The following SLC1A7 variants were observed in gnomAD, a reference collection of about 807,000 sequenced individuals.
SLC1A7 encodes the protein solute carrier family 1 member 7.
A neutral mutation model predicts 47.7 loss-of-function variants in SLC1A7; 40 were observed. The ratio of observed to expected loss-of-function variants is 0.84; its 90% CI spans 0.65 to 1.09. The LOEUF (loss-of-function observed/expected upper bound fraction) is 1.09. Ranked by LOEUF, SLC1A7 falls within the 50% of genes least tolerant of loss-of-function variation. SLC1A7 has a pLI of 0.00. For missense variants in SLC1A7, 746 were observed against 769.5 expected (o/e 0.97, Z 0.36); for synonymous variants, 323 against 325.6 (o/e 0.99, Z 0.09).
At chr1:53,119,011 T>C (rs1644792039) in intron 2 of SLC1A7, among the ~76,000 whole-genome samples, 1 of 152,192 alleles carries the variant, frequency 6.6e-6, no homozygotes, top group African/African-American at 2.4e-5. Context: ...AAAAAATTTA[T>C]ATTGCTTCAG....
intron 2 of SLC1A7, among the ~76,000 whole-genome samples, chr1:53,132,720 C>T (rs112040553): frequency 0.034 from 4,388 of 128,162 alleles, 214 homozygotes; most frequent in African/African-American, 0.11. Context: ...GTGGTGTGTG[C>T]CTGTGGTCCC....
chr1:53,122,161 G>A (rs1442665196), intron 2 of SLC1A7, among the ~76,000 whole-genome samples: 1 of 152,168 alleles, frequency 6.6e-6, no homozygotes, highest in Non-Finnish European at 1.5e-5. Flanking sequence ...GAACTACCTT[G>A]AGAAGTGGTG....
intron 8 of SLC1A7, chr1:53,090,181 C>A: frequency 1.7e-6 from 1 of 589,102 alleles, no homozygotes; most frequent in South Asian, 2.0e-5. Flanking sequence ...GTGTCTGGAG[C>A]TGTGCCTCTG....
At chr1:53,129,890 G>A (rs1245219671) in intron 2 of SLC1A7, among the ~76,000 whole-genome samples, 1 of 94,814 alleles carries the variant, frequency 1.1e-5, no homozygotes, top group African/African-American at 3.9e-5. Context: ...TGGGATCTCA[G>A]AAAAAAACAA....
intron 5 of SLC1A7, among the ~76,000 whole-genome samples, chr1:53,097,437 C>T (rs1025194106): frequency 4.8e-5 from 7 of 146,850 alleles, no homozygotes; most frequent in Admixed American, 4.0e-4. Flanking sequence ...CACACCACCT[C>T]GGTACACTCA....
Position 53,089,879 on chromosome 1 carries a change from C to G in SLC1A7, c.1282G>C (p.Val428Leu), listed in dbSNP as rs530578463. The change falls in exon 9 of 11, where the codon GTC (valine) becomes CTC (leucine). Residue 428 changes from valine (V) to leucine (L), a missense_variant. By Grantham distance (32) the Val-to-Leu change is conservative. Coordinates refer to ENST00000371494, the MANE Select transcript of SLC1A7 (RefSeq NM_006671.6). Reference protein sequence around the residue: ...GAAGIPQAGLVTMVIVLTSVG... With the variant: ...GAAGIPQAGLLTMVIVLTSVG... ...GAGGTGAGCACGATGACCATGGTGA[C>G]GAGGCCGGCCTGGGGGATGCCAGCT... 6.2e-7 allele frequency: 1 copy of G among 1,613,818 alleles called. No homozygotes were observed. The highest frequency in any genetic ancestry group is 1.1e-5 in the South Asian group (1 of 91,062).
At chr1:53,100,225 A>C (rs1644556736) in intron 5 of SLC1A7, among the ~76,000 whole-genome samples, 1 of 149,944 alleles carries the variant, frequency 6.7e-6, no homozygotes, top group African/African-American at 2.5e-5. Context: ...ACCTTGGTAC[A>C]CTCATACAAC....
intron 8 of SLC1A7, 194 bp from the exon 9 acceptor site, chr1:53,090,128 A>G (rs1408389085): frequency 1.6e-6 from 1 of 635,560 alleles, no homozygotes; most frequent in Non-Finnish European, 2.8e-6. Flanking sequence ...ATGGACCCCC[A>G]TTCCTGGCCT....
At chr1:53,112,223 C>T (rs1644707875) in intron 3 of SLC1A7, among the ~76,000 whole-genome samples, 1 of 152,200 alleles carries the variant, frequency 6.6e-6, no homozygotes, top group Non-Finnish European at 1.5e-5. Flanking sequence ...AAAAAAATGC[C>T]TGGGCTAGCT....
chr1:53,104,130 C>T (rs974677185), intron 4 of SLC1A7, among the ~76,000 whole-genome samples: 1 of 152,116 alleles, frequency 6.6e-6, no homozygotes, highest in Admixed American at 6.5e-5. Flanking sequence ...ACTGGGAGCC[C>T]AAAAAGGGAG....
intron 1 of SLC1A7, among the ~76,000 whole-genome samples, chr1:53,141,524 G>C: frequency 6.6e-6 from 1 of 151,888 alleles, no homozygotes; most frequent in East Asian, 1.9e-4. Context: ...TAGGAGATGG[G>C]GGCTGACAGG....
At chr1:53,100,188 C>T (rs60991261) in intron 5 of SLC1A7, among the ~76,000 whole-genome samples, 5,350 of 97,298 alleles carry the variant, frequency 0.055, 146 homozygotes, top group Non-Finnish European at 0.082. Context: ...CATTCACACA[C>T]CCCACCTTGG....
chr1:53,106,303 A>T (rs898352022), intron 3 of SLC1A7, among the ~76,000 whole-genome samples: 2 of 151,808 alleles, frequency 1.3e-5, no homozygotes, highest in African/African-American at 4.8e-5. Flanking sequence ...ATATTTTATT[A>T]TAAAGCTAAA....
At chr1:53,096,516 G>A (rs1014100639) in intron 5 of SLC1A7, among the ~76,000 whole-genome samples, 7 of 134,822 alleles carry the variant, frequency 5.2e-5, no homozygotes, top group South Asian at 2.5e-4. Context: ...ACACTCACAC[G>A]CACATAAACC....
rs189359590 is a variant in SLC1A7, at chr1:53,108,894, T to C, written c.432-3120A>G. ...CTCATACTAATAACCAATGAATTTATCCTGCAGATTTTAATCAAGAATTAT... is the reference window on the plus strand; with the variant it reads ...CTCATACTAATAACCAATGAATTTACCCTGCAGATTTTAATCAAGAATTAT... On this transcript the variant is annotated intron_variant, in intron 3 of 10. Transcript: ENST00000371494. Among the ~76,000 whole-genome samples the C allele has an allele frequency of 1.8e-4, 27 of 152,314 alleles. No homozygotes were observed. The East Asian group carries it at 4.1e-3, about 23-fold the overall frequency.
intron 1 of SLC1A7, among the ~76,000 whole-genome samples, 192 bp from the exon 2 acceptor site, chr1:53,134,621 C>T (rs1644972955): frequency 6.6e-6 from 1 of 152,156 alleles, no homozygotes; most frequent in African/African-American, 2.4e-5. Flanking sequence ...CCGCCTCCAC[C>T]AATCCCCCAC....
chr1:53,113,861 C>T (rs1324279858), intron 3 of SLC1A7, among the ~76,000 whole-genome samples: 1 of 152,136 alleles, frequency 6.6e-6, no homozygotes, highest in Non-Finnish European at 1.5e-5. Context: ...GGTGCTATGC[C>T]TTCTCCCCGC....
chr1:53,094,382 A>T lies in SLC1A7; in HGVS notation c.698-822T>A, dbSNP rs1644460354. 2.5e-4 allele frequency among the ~76,000 whole-genome samples: 38 copies of T among 152,270 alleles called. No individual in the cohort carries two copies. In the South Asian group the frequency reaches 7.9e-3, roughly 32 times the overall value. ...TGAGCTCTGTCAGGCCAGTCCTGAA[A>T]CAGGGACTGAGTGGCTGCCCTACCT... On this transcript the variant is annotated intron_variant, in intron 5 of 10. Transcript: ENST00000371494.
At chr1:53,136,666 A>ATATATATATATTTTT (rs1232384266) in intron 1 of SLC1A7, among the ~76,000 whole-genome samples, 2 of 105,410 alleles carry the variant, frequency 1.9e-5, no homozygotes, top group African/African-American at 7.8e-5. Flanking sequence ...ATATATATAT[A>ATATATATATATTTTT]TTTTTTTTTT....
Sources: gnomAD v4.1 joint callset for allele counts (sites outside exome capture counted in the v4.1 genomes callset) on GRCh38, gnomAD v4.1.1 for gene constraint, MANE v1.5 for transcripts, NCBI Gene and HGNC (gene_info 2026-07-23, HGNC 2026-07-21) for gene names.